The following FMN1 variants were observed in gnomAD, a reference collection of about 807,000 sequenced individuals.
FMN1 encodes formin 1, also known as formin-1.
A neutral mutation model predicts 132.4 loss-of-function variants in FMN1; 110 were observed. That is an observed-to-expected ratio of 0.83 (90% CI 0.71 to 0.97). FMN1 has a LOEUF of 0.97. FMN1 is among the 50% of genes least tolerant of loss of function. The pLI, the probability that FMN1 is intolerant of heterozygous loss-of-function variation, is 0.00. For synonymous variants in FMN1, 722 were observed against 651.7 expected, an observed-to-expected ratio of 1.11 and a Z score of -1.64; for missense variants, 1,792 against 1,705.3, an observed-to-expected ratio of 1.05 and a Z score of -0.90.
intron 3 of FMN1, among the ~76,000 whole-genome samples, chr15:33,162,121 C>G (rs1246208472): frequency 6.6e-6 from 1 of 152,008 alleles, no homozygotes; most frequent in African/African-American, 2.4e-5. Context: ...AGGCAATTCT[C>G]CTACCTCAGC....
At chr15:32,783,260 C>T (rs188040446) in intron 19 of FMN1, among the ~76,000 whole-genome samples, 232 of 152,294 alleles carry the variant, frequency 1.5e-3, no homozygotes, top group Non-Finnish European at 2.1e-3. Context: ...AATTGATAAA[C>T]GTCTCAGTAA....
intron 6 of FMN1, among the ~76,000 whole-genome samples, chr15:33,036,682 G>A (rs2036207477): frequency 6.6e-6 from 1 of 152,116 alleles, no homozygotes; most frequent in Non-Finnish European, 1.5e-5. Flanking sequence ...GCAAAATATG[G>A]ATAATTACCT....
At chr15:32,846,862 T>C (rs1472657614) in intron 17 of FMN1, among the ~76,000 whole-genome samples, 1 of 152,222 alleles carries the variant, frequency 6.6e-6, no homozygotes, top group African/African-American at 2.4e-5. Flanking sequence ...ATATATACCA[T>C]GGAATACTAT....
Position 32,925,968 on chromosome 15 carries a change from A to T in FMN1, c.3226+206T>A, listed in dbSNP as rs1188699683. ...AACATTTTTAACAGATGACTTATAA[A>T]GCATCTGAAATTTGCTTCATAACCT... On this transcript the variant is annotated intron_variant, in intron 10 of 20. Transcript: ENST00000616417. Among the ~76,000 whole-genome samples the T allele has an allele frequency of 3.3e-5, 5 of 152,210 alleles. No homozygotes were observed. The East Asian group carries it at 9.6e-4, about 29-fold the overall frequency.
At chr15:33,057,740 A>G (rs1194032227) in intron 6 of FMN1, among the ~76,000 whole-genome samples, 2 of 152,132 alleles carry the variant, frequency 1.3e-5, no homozygotes, top group Non-Finnish European at 2.9e-5. Flanking sequence ...CCCTTCATCA[A>G]GTGCTTCCCT....
chr15:32,846,549 G>A (rs1009506500), intron 17 of FMN1, among the ~76,000 whole-genome samples: 1 of 152,176 alleles, frequency 6.6e-6, no homozygotes, highest in Non-Finnish European at 1.5e-5. Context: ...CGATTAAAAA[G>A]TCAAGAAACA....
chr15:32,890,634 G>T (rs749551141), intron 15 of FMN1, among the ~76,000 whole-genome samples: 5 of 152,094 alleles, frequency 3.3e-5, no homozygotes, highest in Admixed American at 2.0e-4. Flanking sequence ...TTACTGATTT[G>T]AGTTCACTGT....
At position 33,017,480 on chromosome 15, in the gene FMN1, T is replaced by A. The variant is rs114914526; in HGVS notation, c.2162-9405A>T. Among the ~76,000 whole-genome samples, 1,254 of 151,752 alleles carry A rather than the reference T, an allele frequency of 8.3e-3. 21 individuals carry two copies. Among genetic ancestry groups the A allele is most frequent in the African/African-American group, 0.029 (1,194 of 41,290 alleles). ...TAAAACTACTCTAAAAATAGTTGAT[T>A]TTTTTTTTCAAAAAAGAAGTGAATT... On this transcript the variant is annotated intron_variant, in intron 6 of 20. Transcript: ENST00000616417.
At chr15:33,033,272 C>T (rs184934981) in intron 6 of FMN1, among the ~76,000 whole-genome samples, 148 of 152,234 alleles carry the variant, frequency 9.7e-4, no homozygotes, top group Non-Finnish European at 1.3e-3. Flanking sequence ...CCTTGTGATC[C>T]GCCCACCTCA....
chr15:33,069,785 C>G (rs748688247), intron 5 of FMN1, among the ~76,000 whole-genome samples: 5 of 152,092 alleles, frequency 3.3e-5, no homozygotes, highest in Non-Finnish European at 5.9e-5. Context: ...TCTGTTTGCT[C>G]CTGATCATAG....
intron 3 of FMN1, among the ~76,000 whole-genome samples, chr15:33,158,770 A>G (rs1396742712): frequency 6.6e-6 from 1 of 152,228 alleles, no homozygotes; most frequent in Non-Finnish European, 1.5e-5. Context: ...TAGAGAGTAG[A>G]CAAGTAGGGG....
chr15:33,190,925 C>T (rs1966054571), intron 2 of FMN1, among the ~76,000 whole-genome samples: 1 of 152,172 alleles, frequency 6.6e-6, no homozygotes, highest in African/African-American at 2.4e-5. Context: ...AATCCCAGCA[C>T]TTTGGAAGGC....
At chr15:32,877,100 A>G (rs558223503) in intron 16 of FMN1, among the ~76,000 whole-genome samples, 1 of 152,308 alleles carries the variant, frequency 6.6e-6, no homozygotes, top group East Asian at 1.9e-4. Flanking sequence ...AGCTTGGCCA[A>G]TATGATGAAA....
At chr15:33,184,692 T>C (rs570075865) in intron 2 of FMN1, among the ~76,000 whole-genome samples, 103 of 152,186 alleles carry the variant, frequency 6.8e-4, no homozygotes, top group Middle Eastern at 3.4e-3. Context: ...TTAGTAGAGA[T>C]GGGTTTACGC....
intron 4 of FMN1, among the ~76,000 whole-genome samples, chr15:33,118,805 A>T (rs1424499505): frequency 6.6e-6 from 1 of 152,134 alleles, no homozygotes; most frequent in Non-Finnish European, 1.5e-5. Context: ...ATCTTTAAAG[A>T]ATGGTATAAA....
rs536077910 is a variant in FMN1 at position 32,958,711 on chromosome 15, G to A, written c.3138+5396C>T. Reference sequence around the variant, plus strand: ...TGTCCATTACTTCTGAAATACAAACGTGAAATGTGCTGAGGGATGAAGACC... The same window carrying A: ...TGTCCATTACTTCTGAAATACAAACATGAAATGTGCTGAGGGATGAAGACC... On this transcript the variant is annotated intron_variant, in intron 9 of 20. Transcript: ENST00000616417. Among the ~76,000 whole-genome samples, 3 of 152,188 alleles carry A rather than the reference G, an allele frequency of 2.0e-5. No homozygotes were observed. The South Asian group carries it at 6.2e-4, about 32-fold the overall frequency.
chr15:33,037,158 C>G (rs1271039863), intron 6 of FMN1, among the ~76,000 whole-genome samples: 1 of 152,198 alleles, frequency 6.6e-6, no homozygotes, highest in Non-Finnish European at 1.5e-5. Context: ...ACTCACAGTT[C>G]TTTCTTGCTG....
At chr15:33,052,395 A>G (rs568058948) in intron 6 of FMN1, among the ~76,000 whole-genome samples, 1 of 152,374 alleles carries the variant, frequency 6.6e-6, no homozygotes, top group Middle Eastern at 3.4e-3. Flanking sequence ...CAGCATGGAC[A>G]CAACCATGCA....
chr15:32,972,640 G>A (rs1278832691), intron 7 of FMN1, among the ~76,000 whole-genome samples: 1 of 152,144 alleles, frequency 6.6e-6, no homozygotes, highest in Non-Finnish European at 1.5e-5. Context: ...TAGTCAATCT[G>A]TAGACTCATT....
Sources: gnomAD v4.1 joint callset for allele counts (sites outside exome capture counted in the v4.1 genomes callset) on GRCh38, gnomAD v4.1.1 for gene constraint, MANE v1.5 for transcripts, NCBI Gene and HGNC (gene_info 2026-07-23, HGNC 2026-07-21) for gene names.